The following XKR6 variants were observed in gnomAD, a reference collection of about 807,000 sequenced individuals.
XKR6 encodes the protein XK-related protein 6.
In XKR6, 22 loss-of-function variants were observed where a neutral mutation model predicts 56.7. That is an observed-to-expected ratio of 0.39 (90% CI 0.28 to 0.55). The LOEUF (loss-of-function observed/expected upper bound fraction) is 0.55. Among genes scored for constraint, XKR6 ranks in the 20% least tolerant of loss-of-function variants. The pLI is 0.66. For missense variants in XKR6, 852 were observed against 889.0 expected, an observed-to-expected ratio of 0.96 and a Z score of 0.53; for synonymous variants, 524 against 387.8, an observed-to-expected ratio of 1.35 and a Z score of -4.13.
intron 1 of XKR6, chr8:11,137,056 A>G: frequency 6.5e-6 from 1 of 153,802 alleles, no homozygotes; most frequent in Non-Finnish European, 1.4e-5. Context: ...ACAGTAGACT[A>G]CAAATGTGCG....
At chr8:10,973,505 G>A (rs913701047) in intron 1 of XKR6, among the ~76,000 whole-genome samples, 3 of 152,126 alleles carry the variant, frequency 2.0e-5, no homozygotes, top group Admixed American at 6.5e-5. Context: ...TTTTATCCCC[G>A]TTTTATACAT....
intron 1 of XKR6, among the ~76,000 whole-genome samples, chr8:11,059,647 A>G (rs1342664151): frequency 7.2e-6 from 1 of 138,182 alleles, no homozygotes; most frequent in Non-Finnish European, 1.5e-5. Flanking sequence ...GGGGCGGGAC[A>G]GGTGCGGGGG....
chr8:11,193,698 T>A, intron 1 of XKR6, among the ~76,000 whole-genome samples: 1 of 145,180 alleles, frequency 6.9e-6, no homozygotes, highest in Admixed American at 7.0e-5. Flanking sequence ...AAAGAACACA[T>A]CTCAAACAAC....
In XKR6 at chr8:10,954,866, C is replaced by CCTTTTTTT. The variant is rs1554515116; in HGVS notation, c.765-30037_765-30036insAAAAAAAG. Among the ~76,000 whole-genome samples, 10 of 92,796 alleles carry CCTTTTTTT rather than the reference C, an allele frequency of 1.1e-4. 2 individuals carry two copies. The highest frequency in any genetic ancestry group is 3.6e-4 in the South Asian group (1 of 2,804). 60.9% of individuals were successfully genotyped at this position (92,796 alleles called of 152,430 possible). ...TAAGGTAAGGGTCTAACTTCATTCT[C>CCTTTTTTT]TTTTTTTTTTTTTTTTTTTTAGACA... On this transcript the variant is annotated intron_variant, in intron 1 of 2. Coordinates refer to ENST00000416569, the MANE Select transcript of XKR6 (RefSeq NM_173683.4).
intron 1 of XKR6, among the ~76,000 whole-genome samples, chr8:11,027,289 G>A (rs760811196): frequency 2.0e-5 from 3 of 152,216 alleles, no homozygotes; most frequent in Non-Finnish European, 4.4e-5. Context: ...TGACTGAAAT[G>A]TTATTATGTG....
intron 2 of XKR6, among the ~76,000 whole-genome samples, chr8:10,900,287 C>G (rs1799999127): frequency 6.6e-6 from 1 of 152,102 alleles, no homozygotes; most frequent in South Asian, 2.1e-4. Context: ...TAAACTTCCC[C>G]AGACCACCAG....
intron 1 of XKR6, among the ~76,000 whole-genome samples, chr8:10,985,098 C>T (rs1276600711): frequency 6.6e-6 from 1 of 152,010 alleles, no homozygotes; most frequent in Non-Finnish European, 1.5e-5. Context: ...CACCACCATG[C>T]CAGGCTAAAT....
chr8:10,974,931 G>T (rs1385685114), intron 1 of XKR6, among the ~76,000 whole-genome samples: 6 of 152,204 alleles, frequency 3.9e-5, no homozygotes, highest in Non-Finnish European at 8.8e-5. Flanking sequence ...TAATGCCATT[G>T]AATTGTACAC....
chr8:11,181,110 T>C (rs1425590748), intron 1 of XKR6, among the ~76,000 whole-genome samples: 1 of 152,140 alleles, frequency 6.6e-6, no homozygotes, highest in African/African-American at 2.4e-5. Flanking sequence ...CACTAAGACT[T>C]GTTGGTAATG....
At chr8:11,062,562 C>T (rs1004875044) in intron 1 of XKR6, 2 of 361,204 alleles carry the variant, frequency 5.5e-6, no homozygotes, top group African/African-American at 4.3e-5. Context: ...AAAACAGGGG[C>T]TGATTGGCTG....
At chr8:11,115,700 T>C (rs1042104523) in intron 1 of XKR6, among the ~76,000 whole-genome samples, 1 of 152,208 alleles carries the variant, frequency 6.6e-6, no homozygotes, top group African/African-American at 2.4e-5. Flanking sequence ...TCTTAACCCA[T>C]TTCTGCCTAG....
chr8:11,095,272 C>T (rs894138756), intron 1 of XKR6, among the ~76,000 whole-genome samples: 4 of 152,202 alleles, frequency 2.6e-5, no homozygotes, highest in African/African-American at 9.6e-5. Context: ...AAATGAGATT[C>T]TGCTATATAT....
At chr8:11,170,842 T>C (rs1222221291) in intron 1 of XKR6, among the ~76,000 whole-genome samples, 2 of 152,226 alleles carry the variant, frequency 1.3e-5, no homozygotes, top group African/African-American at 4.8e-5. Flanking sequence ...TCCTTTGCTT[T>C]TTAAGTCTTT....
chr8:11,154,239 C>T (rs562288354), intron 1 of XKR6, among the ~76,000 whole-genome samples: 83 of 152,132 alleles, frequency 5.5e-4, no homozygotes, highest in Non-Finnish European at 6.8e-4. Flanking sequence ...GACATGGTGA[C>T]GGAGTTCAAC....
At chr8:11,035,799 T>A (rs1045320073) in intron 1 of XKR6, among the ~76,000 whole-genome samples, 1 of 151,824 alleles carries the variant, frequency 6.6e-6, no homozygotes, top group Non-Finnish European at 1.5e-5. Context: ...GAGAGGGAGG[T>A]AAGTGGTTTC....
At chr8:11,146,838 G>A (rs964874038) in intron 1 of XKR6, among the ~76,000 whole-genome samples, 5 of 152,016 alleles carry the variant, frequency 3.3e-5, no homozygotes, top group African/African-American at 4.8e-5. Context: ...ACACAGACCT[G>A]GAGGGCATTA....
rs529080364 is a variant in XKR6 at position 10,973,894 on chromosome 8, A to G, written c.765-49064T>C. On this transcript the variant is annotated intron_variant, in intron 1 of 2. Transcript: ENST00000416569. ...GCCACCACACCTGTCCACTATTGCT[A>G]TTTCTTGAGTGTCTGCTTCTTGTTA... Among the ~76,000 whole-genome samples the G allele has an allele frequency of 1.6e-3, 247 of 152,222 alleles. 1 individual carries two copies. Among genetic ancestry groups the G allele is most frequent in the Non-Finnish European group, 3.0e-3 (202 of 68,014 alleles).
intron 1 of XKR6, among the ~76,000 whole-genome samples, chr8:11,030,951 A>G (rs754849109): frequency 5.3e-5 from 8 of 152,334 alleles, no homozygotes; most frequent in Non-Finnish European, 8.8e-5. Context: ...CATTTTAAAT[A>G]TTAGAAAACT....
chr8:10,903,147 A>T (rs918508485), intron 2 of XKR6, among the ~76,000 whole-genome samples: 5 of 152,172 alleles, frequency 3.3e-5, no homozygotes, highest in African/African-American at 1.2e-4. Flanking sequence ...GCCCCCCAGG[A>T]ACTCATCTGG....
Sources: allele counts gnomAD v4.1 joint callset (sites outside exome capture counted in the v4.1 genomes callset), GRCh38; gene constraint gnomAD v4.1.1; transcripts MANE v1.5; gene names NCBI Gene and HGNC (gene_info 2026-07-23, HGNC 2026-07-21).